MCFD2: variants seen among roughly 807,000 people sequenced by gnomAD.
The protein encoded by MCFD2 is multiple coagulation factor deficiency protein 2.
A neutral mutation model predicts 12.8 loss-of-function variants in MCFD2; 11 were observed. The observed-to-expected ratio is 0.86, with a 90% CI of 0.54 to 1.42. The LOEUF (loss-of-function observed/expected upper bound fraction) is 1.42, where lower values mean the gene tolerates loss of function less well. MCFD2 is among the 40% of genes most tolerant of loss of function. MCFD2 has a pLI of 0.00. For missense variants in MCFD2, 191 were observed against 178.6 expected (o/e 1.07, Z -0.40); for synonymous variants, 70 against 68.1 (o/e 1.03, Z -0.14).
chr2:46,921,345 T>A (rs1296451556), intron 1 of MCFD2, among the ~76,000 whole-genome samples: 1 of 152,244 alleles, frequency 6.6e-6, no homozygotes, highest in Non-Finnish European at 1.5e-5. Context: ...ATTAATGGTA[T>A]GTCTATATAT....
rs1352931104 is a variant in MCFD2 at position 46,902,910 on chromosome 2, G to A, written c.*2553C>T. 1 of 152,192 alleles carries A rather than the reference G, an allele frequency of 6.6e-6. No homozygotes were observed. Among genetic ancestry groups the A allele is most frequent in the Non-Finnish European group, 1.5e-5 (1 of 68,030 alleles). The allele number at this position is 152,192 out of a possible 1,614,324, so 9.4% of individuals were successfully genotyped here. A position where few individuals can be genotyped will look rare whatever the true frequency, so the allele number is the denominator to read the frequency against. On this transcript the variant is annotated 3_prime_UTR_variant, in exon 4 of 4. Transcript: ENST00000319466. ...AAGCCTGTTGTTTTACTTTTCAGGT[G>A]ATGTGAATTAAAATTAAGAAACTAG...
chr2:46,932,763 T>G (rs1669775628), intron 1 of MCFD2, among the ~76,000 whole-genome samples: 1 of 150,322 alleles, frequency 6.7e-6, no homozygotes, highest in Non-Finnish European at 1.5e-5. Flanking sequence ...TAGCCAAGAG[T>G]GGTGGTGCAT....
rs1670290221 is a variant in MCFD2 at position 46,941,043 on chromosome 2, G to T, written c.-8+529C>A. 2 of 151,346 alleles carry T rather than the reference G, an allele frequency of 1.3e-5. No individual in the cohort carries two copies. The highest frequency in any genetic ancestry group is 1.8e-4 in the South Asian group (1 of 5,450). The allele number at this position is 151,346 out of a possible 1,614,324, so 9.4% of individuals were successfully genotyped here. ...AAAGTGAGCTCCGACTCCGCGGCGGGGGCGGCGGCGGGGGGCGGGTACCCG... is the reference window on the plus strand; with the variant it reads ...AAAGTGAGCTCCGACTCCGCGGCGGTGGCGGCGGCGGGGGGCGGGTACCCG... On this transcript the variant is annotated intron_variant, in intron 1 of 2. Coordinates refer to the MCFD2 transcript ENST00000409147. The surrounding 1 kb of genome is among the most constrained non-coding windows in gnomAD (Gnocchi z 4.2).
At chr2:46,936,974 C>T (rs1670010761) in intron 1 of MCFD2, among the ~76,000 whole-genome samples, 1 of 151,916 alleles carries the variant, frequency 6.6e-6, no homozygotes, top group South Asian at 2.1e-4. Flanking sequence ...CCCACCTCAG[C>T]CCCTCAAGTA....
At chr2:46,915,520 T>A (rs1363805832) in intron 1 of MCFD2, among the ~76,000 whole-genome samples, 4 of 152,138 alleles carry the variant, frequency 2.6e-5, no homozygotes, top group Non-Finnish European at 5.9e-5. Flanking sequence ...CGGCCCCGTC[T>A]GGCTCCAGAG....
At chr2:46,926,096 C>T (rs1012128261) in intron 1 of MCFD2, among the ~76,000 whole-genome samples, 2 of 152,170 alleles carry the variant, frequency 1.3e-5, no homozygotes, top group African/African-American at 2.4e-5. Flanking sequence ...CCACCCTGCC[C>T]CCTCATCAGT....
chr2:46,909,292 A>G, intron 1 of MCFD2, 115 bp from the exon 2 acceptor site: 1 of 1,274,136 alleles, frequency 7.8e-7, no homozygotes, highest in Middle Eastern at 1.9e-4. Flanking sequence ...TTAGGAAGAG[A>G]GCTTGTCAAA....
chr2:46,936,802 G>A (rs752327991), intron 1 of MCFD2, among the ~76,000 whole-genome samples: 15 of 151,938 alleles, frequency 9.9e-5, no homozygotes, highest in Non-Finnish European at 1.9e-4. Context: ...CAAACATCCA[G>A]TGGTCTTCTT....
intron 1 of MCFD2, among the ~76,000 whole-genome samples, chr2:46,930,087 A>C (rs1321143200): frequency 6.6e-6 from 1 of 152,186 alleles, no homozygotes; most frequent in African/African-American, 2.4e-5. Context: ...ACTATGTATC[A>C]TAACCTAACC....
At chr2:46,911,555 C>G (rs998820759) in intron 1 of MCFD2, among the ~76,000 whole-genome samples, 4 of 151,502 alleles carry the variant, frequency 2.6e-5, no homozygotes, top group Non-Finnish European at 4.4e-5. Context: ...AAGAATAATA[C>G]ACTTTTGTAA....
chr2:46,940,714 G>T lies in MCFD2; in HGVS notation c.-8+858C>A, dbSNP rs1489002228. 1.3e-5 allele frequency among the ~76,000 whole-genome samples: 2 copies of T among 152,242 alleles called. No homozygotes were observed. Among genetic ancestry groups the T allele is most frequent in the Non-Finnish European group, 2.9e-5 (2 of 68,042 alleles). On this transcript the variant is annotated intron_variant, in intron 1 of 2. Coordinates refer to the MCFD2 transcript ENST00000409147. This position sits in a 1 kb window ranked among gnomAD's most constrained non-coding sequence, Gnocchi z 4.7. ...TAAGAAAATACAAATGCTCCCAGCA[G>T]AGGGGCGTCCAGAGAGTCGCGGGCC...
rs371562136 is a variant in MCFD2 at position 46,923,552 on chromosome 2, T to C, written c.-7-15583A>G. ...TGTGAAAGTATCAGACCTGTCTCTT[T>C]ACTCTTTTTAACACAAAATTTCTTC... On this transcript the variant is annotated intron_variant, in intron 1 of 2. Transcript: ENST00000409147. 3.3e-5 allele frequency among the ~76,000 whole-genome samples: 5 copies of C among 152,136 alleles called. No homozygotes were observed. The East Asian group carries it at 5.8e-4, about 18-fold the overall frequency.
Position 46,903,814 on chromosome 2 carries a change from T to A in MCFD2, c.*1649A>T, listed in dbSNP as rs1668106956. The stretch of plus-strand genomic sequence containing the variant: ...GAAGCAAAGCATAAAAGTTTGGAAA[T>A]TTGCAGCCTGACTATGCAATAGAAA... On this transcript the variant is annotated 3_prime_UTR_variant, in exon 4 of 4. Coordinates refer to ENST00000319466, the MANE Select transcript of MCFD2 (RefSeq NM_139279.6). 2 of 152,124 alleles carry A rather than the reference T, an allele frequency of 1.3e-5. No homozygotes were observed. The highest frequency in any genetic ancestry group is 4.1e-4 in the South Asian group (2 of 4,828). The allele number at this position is 152,124 out of a possible 1,614,324, so 9.4% of individuals were successfully genotyped here.
intron 1 of MCFD2, among the ~76,000 whole-genome samples, chr2:46,925,355 C>G (rs1045868690): frequency 2.0e-5 from 3 of 151,982 alleles, no homozygotes; most frequent in Non-Finnish European, 4.4e-5. Context: ...GTCAGGAGTT[C>G]GAGACTAACC....
At chr2:46,939,678 C>T (rs1044033868) in intron 1 of MCFD2, among the ~76,000 whole-genome samples, 1 of 152,200 alleles carries the variant, frequency 6.6e-6, no homozygotes, top group Admixed American at 6.5e-5. Context: ...TGTTCACTCC[C>T]TGCCCCAGGG....
At position 46,908,123 on chromosome 2, in the gene MCFD2, T is replaced by C. The variant is rs777945205; in HGVS notation, c.150-154A>G. 774 of 793,096 alleles carry C rather than the reference T, an allele frequency of 9.8e-4. 5 individuals carry two copies. The highest frequency in any genetic ancestry group is 6.7e-4 in the Middle Eastern group (2 of 2,970). 49.1% of individuals were successfully genotyped at this position (793,096 alleles called of 1,614,324 possible). A position where few individuals can be genotyped will look rare whatever the true frequency, so the allele number is the denominator to read the frequency against. ...ACCACACTCAAGGATTACACAGAGA[T>C]AGACAAGGCCTTGAGAGGAGCAGGA... On this transcript the variant is annotated intron_variant, in intron 2 of 3. Coordinates refer to ENST00000319466, the MANE Select transcript of MCFD2 (RefSeq NM_139279.6). This position sits in a 1 kb window ranked among gnomAD's most constrained non-coding sequence, Gnocchi z 4.5.
At chr2:46,931,611 G>A (rs1376677643) in intron 1 of MCFD2, among the ~76,000 whole-genome samples, 1 of 152,110 alleles carries the variant, frequency 6.6e-6, no homozygotes, top group African/African-American at 2.4e-5. Flanking sequence ...AAGGAATGCA[G>A]TCGGCCTCTA....
rs182576601 is a variant in MCFD2, at chr2:46,905,379, A to G, written c.*84T>C. 598 of 1,486,360 alleles carry G rather than the reference A, an allele frequency of 4.0e-4. 1 individual carries two copies. In the African/African-American group the frequency reaches 6.5e-3, roughly 16 times the overall value. 92.1% of individuals were successfully genotyped at this position (1,486,360 alleles called of 1,614,324 possible). A position where few individuals can be genotyped will look rare whatever the true frequency, so the allele number is the denominator to read the frequency against. ...CAAAATGCTGCAGCAGTAGTTGGAA[A>G]TGAGTTATTTTGCATTACTAAAGTG... On this transcript the variant is annotated 3_prime_UTR_variant, in exon 4 of 4. Coordinates refer to ENST00000319466, the MANE Select transcript of MCFD2 (RefSeq NM_139279.6).
intron 1 of MCFD2, among the ~76,000 whole-genome samples, chr2:46,929,075 A>C (rs550175608): frequency 6.6e-6 from 1 of 152,206 alleles, no homozygotes; most frequent in African/African-American, 2.4e-5. Context: ...AGGTGGGAGA[A>C]TCGCTTGAAC....
Sources: gnomAD v4.1 joint callset for allele counts (sites outside exome capture counted in the v4.1 genomes callset) on GRCh38, gnomAD v4.1.1 for gene constraint, Gnocchi (gnomAD v3.1) non-coding constraint, MANE v1.5 for transcripts, NCBI Gene and HGNC (gene_info 2026-07-23, HGNC 2026-07-21) for gene names.